SPESP1: variants seen among roughly 807,000 people sequenced by gnomAD.
SPESP1 encodes the protein sperm equatorial segment protein 1.
A neutral mutation model predicts 3.1 loss-of-function variants in SPESP1; 1 was observed. That is an observed-to-expected ratio of 0.33 (90% confidence interval 0.12 to 1.54). SPESP1 has a LOEUF of 1.54. SPESP1 is among the 40% of genes most tolerant of loss of function. SPESP1 has a pLI of 0.38. For synonymous variants in SPESP1, 138 were observed against 150.7 expected, an observed-to-expected ratio of 0.92 and a Z score of 0.62; for missense variants, 398 against 410.1, an observed-to-expected ratio of 0.97 and a Z score of 0.26.
At chr15:68,939,491 C>T (rs1158505435) in intron 1 of SPESP1, among the ~76,000 whole-genome samples, 1 of 152,188 alleles carries the variant, frequency 6.6e-6, no homozygotes, top group Non-Finnish European at 1.5e-5. Context: ...CTACCTTGAC[C>T]TACAAACATT....
At position 68,946,141 on chromosome 15, in the gene SPESP1, T is replaced by C; in HGVS notation, c.607T>C (p.Ser203Pro). Residue 203 changes from serine (S) to proline (P), a missense_variant, in exon 2 of 2, where the codon TCA becomes CCA. Transcript: ENST00000310673. ...STESEDVPQL[S>P]GETAIEKPEE... The stretch of plus-strand genomic sequence containing the variant: ...AGAATCAGAAGATGTTCCTCAGCTC[T>C]CAGGTGAAACTGCGATAGAAAAACC... 1 of 1,614,178 alleles carries C rather than the reference T, an allele frequency of 6.2e-7. No individual in the cohort carries two copies. Among genetic ancestry groups the C allele is most frequent in the Non-Finnish European group, 8.5e-7 (1 of 1,180,026 alleles).
intron 1 of SPESP1, among the ~76,000 whole-genome samples, chr15:68,936,832 G>C (rs1895693987): frequency 6.6e-6 from 1 of 152,100 alleles, no homozygotes; most frequent in Admixed American, 6.5e-5. Flanking sequence ...ACTTACATTA[G>C]GCTATTTAGT....
In SPESP1 at chr15:68,944,970, G is replaced by A. The variant is rs556601182; in HGVS notation, c.65-629G>A. Among the ~76,000 whole-genome samples, 46 of 152,224 alleles carry A rather than the reference G, an allele frequency of 3.0e-4. 2 individuals carry two copies. In the East Asian group the frequency reaches 6.2e-3, roughly 20 times the overall value. Reference sequence around the variant, plus strand: ...ACCATGGTTGATTTCAAACTACCAAGTTGACATCACTGAGCAGGGAGGTAG... The same window carrying A: ...ACCATGGTTGATTTCAAACTACCAAATTGACATCACTGAGCAGGGAGGTAG... On this transcript the variant is annotated intron_variant, in intron 1 of 1. Transcript: ENST00000310673.
At position 68,930,643 on chromosome 15, in the gene SPESP1, G is replaced by C; in HGVS notation, c.-11G>C. 6.2e-7 allele frequency: 1 copy of C among 1,613,830 alleles called. No homozygotes were observed. Among genetic ancestry groups the C allele is most frequent in the Non-Finnish European group, 8.5e-7 (1 of 1,179,784 alleles). On this transcript the variant is annotated 5_prime_UTR_variant, in exon 1 of 2. Transcript: ENST00000310673. ...TTCCGGTCGCATGGCAGAGTGCTAC[G>C]GACGACGCCTATGAAGCCCTTAGTC...
At chr15:68,937,686 G>T (rs1427953559) in intron 1 of SPESP1, among the ~76,000 whole-genome samples, 1 of 152,114 alleles carries the variant, frequency 6.6e-6, no homozygotes, top group African/African-American at 2.4e-5. Flanking sequence ...TGGGAAATGG[G>T]TTTTATTGTT....
intron 1 of SPESP1, among the ~76,000 whole-genome samples, chr15:68,941,532 G>A (rs1895823711): frequency 6.6e-6 from 1 of 152,198 alleles, no homozygotes; most frequent in Middle Eastern, 3.4e-3. Flanking sequence ...TCTGGTGGCT[G>A]CCTACATTCC....
In SPESP1 at chr15:68,946,703, A is replaced by G. The variant is rs1241325000; in HGVS notation, c.*116A>G. ...TTCGTAATTTCAAAAGTTGTATAAA[A>G]ATATTTTCTATTGTAGTTCAAATGT... On this transcript the variant is annotated 3_prime_UTR_variant, in exon 2 of 2. Coordinates refer to ENST00000310673, the MANE Select transcript of SPESP1 (RefSeq NM_145658.4). The G allele has an allele frequency of 4.9e-6, 6 of 1,224,006 alleles. No homozygotes were observed. Among genetic ancestry groups the G allele is most frequent in the Non-Finnish European group, 6.3e-6 (6 of 957,424 alleles). 75.8% of individuals were successfully genotyped at this position (1,224,006 alleles called of 1,614,324 possible). A position where few individuals can be genotyped will look rare whatever the true frequency, so the allele number is the denominator to read the frequency against.
chr15:68,942,929 A>ATAAGTG (rs1021031307), intron 1 of SPESP1, among the ~76,000 whole-genome samples: 10 of 151,962 alleles, frequency 6.6e-5, no homozygotes, highest in Non-Finnish European at 1.2e-4. Context: ...AATGCATTTT[A>ATAAGTG]TGAGTTTACA....
intron 1 of SPESP1, among the ~76,000 whole-genome samples, chr15:68,932,197 T>G (rs1895561289): frequency 6.6e-6 from 1 of 152,198 alleles, no homozygotes; most frequent in African/African-American, 2.4e-5. Flanking sequence ...CACCAGTTAT[T>G]GCATTTTGGT....
chr15:68,936,217 C>T (rs555836307), intron 1 of SPESP1, among the ~76,000 whole-genome samples: 1 of 152,294 alleles, frequency 6.6e-6, no homozygotes, highest in South Asian at 2.1e-4. Context: ...TTTTCACTAT[C>T]ATTGTAATAA....
Position 68,930,726 on chromosome 15 carries a change from C to T in SPESP1, c.64+9C>T. 2 of 1,613,808 alleles carry T rather than the reference C, an allele frequency of 1.2e-6. No individual in the cohort carries two copies. The highest frequency in any genetic ancestry group is 1.3e-5 in the African/African-American group (1 of 75,050). On this transcript the variant is annotated intron_variant, in intron 1 of 1. Transcript: ENST00000310673. The stretch of plus-strand genomic sequence containing the variant: ...TGTGCCGGCTTATCCGAGTGAGTGA[C>T]GGGCCTGAGGAGGCAGCGGACCGGG...
chr15:68,946,311 T>G lies in SPESP1; in HGVS notation c.777T>G (p.Asp259Glu). ...AYREDIEASK[D>E]HLKRSLALAA... The stretch of plus-strand genomic sequence containing the variant: ...GAGAAGATATTGAAGCCTCTAAAGA[T>G]CACCTAAAACGAAGCCTTGCTCTAG... Residue 259 changes from aspartate to glutamate, a missense_variant, in exon 2 of 2, where the codon GAT becomes GAG. Asp to Glu is a conservative substitution (Grantham distance 45, BLOSUM62 2). Coordinates refer to ENST00000310673, the MANE Select transcript of SPESP1 (RefSeq NM_145658.4). 6.2e-7 allele frequency: 1 copy of G among 1,614,136 alleles called. No individual in the cohort carries two copies. The highest frequency in any genetic ancestry group is 8.5e-7 in the Non-Finnish European group (1 of 1,180,034).
intron 1 of SPESP1, among the ~76,000 whole-genome samples, chr15:68,938,495 C>T (rs1037079647): frequency 5.3e-5 from 8 of 151,676 alleles, no homozygotes; most frequent in Non-Finnish European, 1.0e-4. Context: ...CATTTTGGTC[C>T]ATTTGATGAT....
intron 1 of SPESP1, among the ~76,000 whole-genome samples, chr15:68,939,329 T>A (rs528148218): frequency 6.6e-6 from 1 of 152,332 alleles, no homozygotes; most frequent in East Asian, 1.9e-4. Flanking sequence ...AATATCCAAG[T>A]ATAATAACAC....
chr15:68,930,729 G>C lies in SPESP1; in HGVS notation c.64+12G>C. The C allele has an allele frequency of 6.2e-7, 1 of 1,613,876 alleles. No homozygotes were observed. Among genetic ancestry groups the C allele is most frequent in the Non-Finnish European group, 8.5e-7 (1 of 1,179,806 alleles). On this transcript the variant is annotated intron_variant, in intron 1 of 1. Coordinates refer to ENST00000310673, the MANE Select transcript of SPESP1 (RefSeq NM_145658.4). ...GCCGGCTTATCCGAGTGAGTGACGG[G>C]CCTGAGGAGGCAGCGGACCGGGGAC... is the stretch of plus-strand genomic sequence containing the variant.
intron 1 of SPESP1, among the ~76,000 whole-genome samples, chr15:68,940,231 T>G (rs1351445062): frequency 1.3e-5 from 2 of 152,130 alleles, no homozygotes; most frequent in Admixed American, 1.3e-4. Flanking sequence ...TTAATCCTAT[T>G]TCATTGATAG....
intron 1 of SPESP1, among the ~76,000 whole-genome samples, chr15:68,940,466 G>T (rs1895789529): frequency 1.3e-5 from 2 of 152,176 alleles, no homozygotes; most frequent in South Asian, 4.1e-4. Context: ...GTTTCTGATT[G>T]TCTTTCTCTT....
chr15:68,931,840 G>A (rs1895551265), intron 1 of SPESP1, among the ~76,000 whole-genome samples: 1 of 152,194 alleles, frequency 6.6e-6, no homozygotes, highest in South Asian at 2.1e-4. Context: ...AGTAATGTTG[G>A]AGTTTGGTTT....
intron 1 of SPESP1, among the ~76,000 whole-genome samples, chr15:68,939,151 A>G (rs1006320829): frequency 3.9e-5 from 6 of 152,186 alleles, no homozygotes; most frequent in African/African-American, 1.4e-4. Context: ...CCTGCTTAGC[A>G]GTTAGCCATC....
Sources: allele counts gnomAD v4.1 joint callset (sites outside exome capture counted in the v4.1 genomes callset), GRCh38; gene constraint gnomAD v4.1.1; transcripts MANE v1.5; gene names NCBI Gene and HGNC (gene_info 2026-07-23, HGNC 2026-07-21).